The following TENM1 variants were observed in gnomAD, a reference collection of about 807,000 sequenced individuals.
TENM1 encodes teneurin-1.
A neutral mutation model predicts 174.8 loss-of-function variants in TENM1; 35 were observed. The ratio of observed to expected loss-of-function variants is 0.20; its 90% CI spans 0.15 to 0.27. TENM1 has a LOEUF of 0.27. Among genes scored for constraint, TENM1 ranks in the 10% least tolerant of loss-of-function variants. The pLI is 1.00. For missense variants in TENM1, 1,633 were observed against 2,130.1 expected (o/e 0.77, Z 4.59); for synonymous variants, 781 against 798.7 (o/e 0.98, Z 0.37).
In TENM1 at chrX:124,692,927, G is replaced by T. The variant is rs760924781; in HGVS notation, c.1015+12086C>A. Among the ~76,000 whole-genome samples the T allele has an allele frequency of 1.3e-4, 13 of 100,280 alleles. No individual in the cohort carries two copies. In the South Asian group the frequency reaches 6.3e-3, roughly 48 times the overall value. The allele number at this position is 100,280 out of a possible 115,157, so 87.1% of individuals were successfully genotyped here. On this transcript the variant is annotated intron_variant, in intron 5 of 31. Transcript: ENST00000422452. Reference sequence around the variant, plus strand: ...GGAGGCTGAGGCAGGAGAATCACTTGAACTTGGGAGGTGGAGGTTGCAGTG... The same window carrying T: ...GGAGGCTGAGGCAGGAGAATCACTTTAACTTGGGAGGTGGAGGTTGCAGTG...
chrX:124,784,665 T>C (rs191217391), intron 3 of TENM1, among the ~76,000 whole-genome samples: 1 of 111,763 alleles, frequency 8.9e-6, no homozygotes, highest in African/African-American at 3.2e-5. Context: ...GATTTTAAAG[T>C]TGGGACAGAA....
At chrX:125,007,677 C>T in the TENM1 span, among the ~76,000 whole-genome samples, 1 of 111,909 alleles carries the variant, frequency 8.9e-6, no homozygotes, top group African/African-American at 3.2e-5. Flanking sequence ...ATCAGAATAA[C>T]AGCAGACCTC....
chrX:125,017,968 G>T, the TENM1 span, among the ~76,000 whole-genome samples: 3 of 111,229 alleles, frequency 2.7e-5, no homozygotes, highest in Non-Finnish European at 5.7e-5. Flanking sequence ...GTATACCTAT[G>T]TAACAAACCT....
At chrX:124,500,768 T>C (rs1222623036) in intron 19 of TENM1, among the ~76,000 whole-genome samples, 1 of 112,161 alleles carries the variant, frequency 8.9e-6, no homozygotes, top group East Asian at 2.8e-4. Flanking sequence ...TATAAATATG[T>C]CTGAAATAAA....
the TENM1 span, among the ~76,000 whole-genome samples, chrX:124,988,382 T>C: frequency 2.7e-5 from 3 of 112,103 alleles, no homozygotes; most frequent in Middle Eastern, 4.6e-3. Flanking sequence ...CTATATAAAA[T>C]CTAGTTACCC....
At chrX:124,560,191 T>TTGTGTGTGTGTGTGTGTGTGTG (rs375476919) in intron 14 of TENM1, among the ~76,000 whole-genome samples, 1 of 88,210 alleles carries the variant, frequency 1.1e-5, no homozygotes. Flanking sequence ...TCTCTTCTAT[T>TTGTGTGTGTGTGTGTGTGTGTG]TGTGTGTGTG....
intron 11 of TENM1, among the ~76,000 whole-genome samples, chrX:124,590,515 T>C (rs1338916464): frequency 6.3e-5 from 7 of 111,021 alleles, no homozygotes; most frequent in African/African-American, 2.3e-4. Flanking sequence ...TCCATGCTCA[T>C]GGGTAGGAAG....
the TENM1 span, among the ~76,000 whole-genome samples, chrX:125,079,391 T>C: frequency 8.9e-6 from 1 of 111,746 alleles, no homozygotes; most frequent in East Asian, 2.8e-4. Flanking sequence ...TAAAAGACCT[T>C]TCTTGAAGAA....
the TENM1 span, among the ~76,000 whole-genome samples, chrX:124,989,448 T>C: frequency 4.5e-5 from 5 of 111,066 alleles, no homozygotes; most frequent in South Asian, 1.9e-3. Flanking sequence ...CATTAAGAGG[T>C]CAATTGTCCC....
At chrX:125,044,196 TAAAAATAAAAAAAAATAAAAA>T in the TENM1 span, among the ~76,000 whole-genome samples, 57 of 78,331 alleles carry the variant, frequency 7.3e-4, no homozygotes, top group African/African-American at 2.9e-3. Flanking sequence ...AAAAAAAGAT[TAAAAATAAAAAAAAATAAAAA>T]AAAAATAAAA....
chrX:125,197,779 C>T, the TENM1 span, among the ~76,000 whole-genome samples: 3 of 111,751 alleles, frequency 2.7e-5, no homozygotes, highest in Non-Finnish European at 5.7e-5. Flanking sequence ...ATTAATAGTT[C>T]TACCTTGAAC....
intron 22 of TENM1, among the ~76,000 whole-genome samples, chrX:124,474,227 ATGC>A (rs1185355658): frequency 1.8e-5 from 2 of 111,822 alleles, no homozygotes; most frequent in Non-Finnish European, 3.8e-5. Context: ...AACATACTTT[ATGC>A]TGGGTGTCAC....
In TENM1 at chrX:124,901,213, A is replaced by T. The variant is rs557111816; in HGVS notation, c.218-4972T>A. On this transcript the variant is annotated intron_variant, in intron 1 of 31. Transcript: ENST00000422452. ...CATCACTGCTAAGCTTTCAGCAGCT[A>T]GGGAAACATTTATGGTTGAGGATCA... Among the ~76,000 whole-genome samples, 8 of 111,879 alleles carry T rather than the reference A, an allele frequency of 7.2e-5. No homozygotes were observed. In the East Asian group the frequency reaches 1.7e-3, roughly 24 times the overall value.
chrX:124,881,659 T>C (rs1441224451), intron 3 of TENM1, among the ~76,000 whole-genome samples: 2 of 110,780 alleles, frequency 1.8e-5, no homozygotes, highest in South Asian at 3.8e-4. Flanking sequence ...TTTTTTCCCA[T>C]AAACTTCCTT....
At chrX:125,166,987 C>T in the TENM1 span, among the ~76,000 whole-genome samples, 5 of 111,590 alleles carry the variant, frequency 4.5e-5, no homozygotes, top group Admixed American at 1.9e-4. Flanking sequence ...ATGTAAAACC[C>T]GGATGCAGAC....
chrX:124,753,002 T>A (rs1158629467), intron 3 of TENM1, among the ~76,000 whole-genome samples: 3 of 111,219 alleles, frequency 2.7e-5, no homozygotes, highest in African/African-American at 9.8e-5. Context: ...ATATGAACGT[T>A]AGTTTTTTCC....
intron 11 of TENM1, among the ~76,000 whole-genome samples, chrX:124,596,614 A>T (rs1226461759): frequency 8.9e-6 from 1 of 111,797 alleles, no homozygotes; most frequent in Non-Finnish European, 1.9e-5. Context: ...AAACTACAGG[A>T]TGAATGGGCA....
intron 4 of TENM1, among the ~76,000 whole-genome samples, chrX:124,731,575 C>A (rs1370268079): frequency 9.0e-6 from 1 of 111,374 alleles, no homozygotes; most frequent in African/African-American, 3.3e-5. Flanking sequence ...AAACAGGAAG[C>A]ATATGGACTC....
At chrX:124,481,771 C>T (rs1330134839) in exon 22 of TENM1, 3 of 1,191,868 alleles carry the variant, frequency 2.5e-6, no homozygotes, top group Admixed American at 4.4e-5. Flanking sequence ...GCTCTCCCAC[C>T]ATCTCCACAA....
Sources: allele counts gnomAD v4.1 joint callset (sites outside exome capture counted in the v4.1 genomes callset), GRCh38; gene constraint gnomAD v4.1.1; transcripts MANE v1.5; gene names NCBI Gene and HGNC (gene_info 2026-07-23, HGNC 2026-07-21).